Variants in MSX2 observed in about 807,000 individuals in gnomAD.
The protein encoded by MSX2 is msh homeobox 2.
In MSX2, 10 loss-of-function variants were observed where a neutral mutation model predicts 18.4. That is an observed-to-expected ratio of 0.54 (90% CI 0.34 to 0.92). MSX2 has a LOEUF of 0.92. MSX2 is among the 40% of genes least tolerant of loss of function. The pLI is 0.02. For missense variants in MSX2, 339 were observed against 364.0 expected, an observed-to-expected ratio of 0.93 and a Z score of 0.56; for synonymous variants, 170 against 165.6, an observed-to-expected ratio of 1.03 and a Z score of -0.20.
intron 1 of MSX2, 178 bp downstream of exon 1, chr5:174,725,216 G>A (rs1760762240): frequency 7.2e-6 from 7 of 973,842 alleles, no homozygotes; most frequent in African/African-American, 3.3e-5. Flanking sequence ...CCAGTGCGCC[G>A]TCCGCATCCA....
intron 1 of MSX2, among the ~76,000 whole-genome samples, chr5:174,725,703 C>T (rs985124461): frequency 6.6e-6 from 1 of 152,116 alleles, no homozygotes; most frequent in Non-Finnish European, 1.5e-5. Flanking sequence ...TTCTGAGCTT[C>T]GCCGGGAGCG....
Position 174,729,949 on chromosome 5 carries a change from T to TCTCAC in MSX2, c.*369_*373dup. ...TATACATATGTGCTTTTTTTCTATA[T>TCTCAC]CTCACCTTCCCAAAAGACACTGTGT... is the stretch of plus-strand genomic sequence containing the variant. On this transcript the variant is annotated 3_prime_UTR_variant, in exon 2 of 2. Transcript: ENST00000239243. The TCTCAC allele has an allele frequency of 6.6e-6, 1 of 152,422 alleles. No homozygotes were observed. The highest frequency in any genetic ancestry group is 1.9e-4 in the East Asian group (1 of 5,208). 9.4% of individuals were successfully genotyped at this position (152,422 alleles called of 1,614,324 possible).
chr5:174,729,009 A>G (rs560894440), intron 1 of MSX2, 150 bp from the exon 2 acceptor site: 1 of 652,292 alleles, frequency 1.5e-6, no homozygotes, highest in East Asian at 2.7e-5. Context: ...ATGTATGTAT[A>G]TATAGATTTT....
chr5:174,729,143 T>A lies in MSX2; in HGVS notation c.380-16T>A, dbSNP rs1207193625. 2 of 1,613,022 alleles carry A rather than the reference T, an allele frequency of 1.2e-6. No homozygotes were observed. The highest frequency in any genetic ancestry group is 3.3e-5 in the Admixed American group (2 of 59,992). Reference sequence around the variant, plus strand: ...TAACTTTCTTTTGCTAATCCGCTCCTCTCTCTGTTCTCTAGGACATATGAG... The same window carrying A: ...TAACTTTCTTTTGCTAATCCGCTCCACTCTCTGTTCTCTAGGACATATGAG... On this transcript the variant is annotated splice_polypyrimidine_tract_variant and intron_variant, in intron 1 of 1. Transcript: ENST00000239243.
chr5:174,725,461 AG>A (rs1393665412), intron 1 of MSX2, among the ~76,000 whole-genome samples: 2 of 152,192 alleles, frequency 1.3e-5, no homozygotes, highest in African/African-American at 4.8e-5. Flanking sequence ...TGGATGTACC[AG>A]GAACGAGACA....
Position 174,724,627 on chromosome 5 carries a change from C to T in MSX2, c.-33C>T, listed in dbSNP as rs751417663. ...GCCGCTGCCGGGTTGCCAGCGGAGT[C>T]GCGCGTCGGGAGCTACGTAGGGCAG... On this transcript the variant is annotated 5_prime_UTR_variant, in exon 1 of 2. Coordinates refer to ENST00000239243, the MANE Select transcript of MSX2 (RefSeq NM_002449.5). 5.1e-6 allele frequency: 8 copies of T among 1,567,640 alleles called. No homozygotes were observed. The South Asian group carries it at 8.2e-5, about 16-fold the overall frequency.
Position 174,724,707 on chromosome 5 carries a change from G to A in MSX2, c.48G>A (p.Glu16=). 6.3e-7 allele frequency: 1 copy of A among 1,595,122 alleles called. No individual in the cohort carries two copies. Among genetic ancestry groups the A allele is most frequent in the African/African-American group, 1.3e-5 (1 of 74,782 alleles). Residue 16 remains glutamate (E), a synonymous_variant, in exon 1 of 2, where the codon GAG becomes GAA. Transcript: ENST00000239243. ...ATGACTTGTTTTCGCCCGACGAGGA[G>A]GGCCCAGCAGTGGTGGCCGGACCAG... ...KGNDLFSPDE[E]GPAVVAGPGP...
intron 1 of MSX2, among the ~76,000 whole-genome samples, chr5:174,728,705 G>A (rs187499992): frequency 3.1e-4 from 47 of 152,056 alleles, no homozygotes; most frequent in African/African-American, 1.0e-3. Context: ...AAGAGATAGC[G>A]GTTCATTTCT....
At position 174,730,592 on chromosome 5, in the gene MSX2, T is replaced by A. The variant is rs1320492816; in HGVS notation, c.*1009T>A. 1 of 150,348 alleles carries A rather than the reference T, an allele frequency of 6.7e-6. No homozygotes were observed. The highest frequency in any genetic ancestry group is 2.5e-5 in the African/African-American group (1 of 40,802). 9.3% of individuals were successfully genotyped at this position (150,348 alleles called of 1,614,324 possible). A position where few individuals can be genotyped will look rare whatever the true frequency, so the allele number is the denominator to read the frequency against. On this transcript the variant is annotated 3_prime_UTR_variant, in exon 2 of 2. Coordinates refer to ENST00000239243, the MANE Select transcript of MSX2 (RefSeq NM_002449.5). ...GTAGATCCAGAAAGAAAAAAAAATA[T>A]GCTTTCTCTGTGTGTGTACCTGTTG...
In MSX2 at chr5:174,724,963, G is replaced by C; in HGVS notation, c.304G>C (p.Ala102Pro). Residue 102 changes from alanine (A) to proline (P), a missense_variant, in exon 1 of 2, where the codon GCC (alanine) becomes CCC (proline). Ala to Pro is a conservative substitution (Grantham distance 27). Coordinates refer to ENST00000239243, the MANE Select transcript of MSX2 (RefSeq NM_002449.5). ...PGPLVKPFET[A>P]SVKSENSEDG... ...GCCGCTGGTGAAGCCCTTCGAGACC[G>C]CCTCGGTCAAGTCGGAAAATTCAGA... The C allele has an allele frequency of 6.2e-7, 1 of 1,603,814 alleles. No homozygotes were observed. The highest frequency in any genetic ancestry group is 8.5e-7 in the Non-Finnish European group (1 of 1,177,022).
chr5:174,724,670 C>A lies in MSX2; in HGVS notation c.11C>A (p.Pro4Gln). 6.3e-7 allele frequency: 1 copy of A among 1,591,764 alleles called. No individual in the cohort carries two copies. The highest frequency in any genetic ancestry group is 2.3e-5 in the East Asian group (1 of 43,932). Reference sequence around the variant, plus strand: ...TAGGGCAGAGAAGTCATGGCTTCTCCGTCCAAAGGCAATGACTTGTTTTCG... The same window carrying A: ...TAGGGCAGAGAAGTCATGGCTTCTCAGTCCAAAGGCAATGACTTGTTTTCG... MAS[P>Q]SKGNDLFSPD... Residue 4 changes from proline (P) to glutamine (Q), a missense_variant, in exon 1 of 2, where the codon CCG becomes CAG. Pro to Gln is a moderately conservative substitution (Grantham distance 76, BLOSUM62 -1). Around this residue, in one of 2 missense-constraint regions of MSX2, gnomAD observed 211 missense variants for 185.4 expected, o/e 1.14. Transcript: ENST00000239243.
At chr5:174,725,180 C>T (rs1760761135) in intron 1 of MSX2, 142 bp downstream of exon 1, 1 of 1,351,310 alleles carries the variant, frequency 7.4e-7, no homozygotes, top group Non-Finnish European at 9.8e-7. Flanking sequence ...CTCTGGACTC[C>T]TGGGTGCCCG....
Position 174,728,444 on chromosome 5 carries a change from G to T in MSX2, c.380-715G>T, listed in dbSNP as rs530732857. On this transcript the variant is annotated intron_variant, in intron 1 of 1. Coordinates refer to ENST00000239243, the MANE Select transcript of MSX2 (RefSeq NM_002449.5). ...ATGACAGCTTGTGACTGTTTATTGC[G>T]TGGGACTGCCCCCAAATTCAAAGAT... Among the ~76,000 whole-genome samples, 11 of 152,196 alleles carry T rather than the reference G, an allele frequency of 7.2e-5. No individual in the cohort carries two copies. The East Asian group carries it at 2.1e-3, about 29-fold the overall frequency.
chr5:174,726,798 A>G (rs1401576479), intron 1 of MSX2, among the ~76,000 whole-genome samples: 5 of 152,192 alleles, frequency 3.3e-5, no homozygotes, highest in East Asian at 1.9e-4. Context: ...GCCTACGCCT[A>G]TGCCCAGCCA....
chr5:174,725,460 C>T (rs1760771117), intron 1 of MSX2, among the ~76,000 whole-genome samples: 1 of 152,164 alleles, frequency 6.6e-6, no homozygotes, highest in Admixed American at 6.5e-5. Flanking sequence ...TTGGATGTAC[C>T]AGGAACGAGA....
intron 1 of MSX2, among the ~76,000 whole-genome samples, chr5:174,728,426 C>CA (rs1760849528): frequency 9.9e-4 from 2 of 2,016 alleles, no homozygotes; most frequent in Non-Finnish European, 0.016. Context: ...GCAATGACAG[C>CA]TTGTGACTGT....
chr5:174,730,350 C>T lies in MSX2; in HGVS notation c.*767C>T, dbSNP rs943671386. ...GTGAGGTAGAAAATTAGAAATACTT[C>T]CTAATTCTTCTCAAGGCTGTTGGTA... On this transcript the variant is annotated 3_prime_UTR_variant, in exon 2 of 2. Transcript: ENST00000239243. The T allele has an allele frequency of 1.3e-5, 2 of 152,008 alleles. No individual in the cohort carries two copies. The highest frequency in any genetic ancestry group is 4.8e-5 in the African/African-American group (2 of 41,382). 9.4% of individuals were successfully genotyped at this position (152,008 alleles called of 1,614,324 possible).
chr5:174,729,421 T>G lies in MSX2; in HGVS notation c.642T>G (p.Pro214=), dbSNP rs1338821364. The G allele has an allele frequency of 6.2e-6, 10 of 1,613,964 alleles. No individual in the cohort carries two copies. Among genetic ancestry groups the G allele is most frequent in the Non-Finnish European group, 8.5e-6 (10 of 1,179,976 alleles). The part of the protein sequence containing the change: ...ELEKLKMAAK[P]MLPSSFSLPF... ...AAAAGCTGAAAATGGCTGCAAAACC[T>G]ATGCTGCCCTCCAGCTTCAGTCTCC... The change falls in exon 2 of 2, where the codon CCT becomes CCG. Residue 214 remains proline (P), a synonymous_variant. Coordinates refer to ENST00000239243, the MANE Select transcript of MSX2 (RefSeq NM_002449.5).
intron 1 of MSX2, among the ~76,000 whole-genome samples, chr5:174,728,576 C>T (rs916649528): frequency 3.9e-5 from 6 of 152,284 alleles, no homozygotes; most frequent in East Asian, 1.9e-4. Context: ...ACAGCTAACC[C>T]GGTTGCTAAA....
Sources: gnomAD v4.1 joint callset for allele counts (sites outside exome capture counted in the v4.1 genomes callset) on GRCh38, gnomAD v4.1.1 for gene constraint, gnomAD v4.1.1 regional missense constraint, MANE v1.5 for transcripts, NCBI Gene and HGNC (gene_info 2026-07-23, HGNC 2026-07-21) for gene names.